Variants in SLC12A8 observed in about 807,000 individuals in gnomAD.
SLC12A8 encodes cation-chloride cotransporter 9.
A neutral mutation model predicts 75.6 loss-of-function variants in SLC12A8; 69 were observed. The ratio of observed to expected loss-of-function variants is 0.91; its 90% confidence interval spans 0.75 to 1.11. The LOEUF is 1.11. Among genes scored for constraint, SLC12A8 ranks in the 50% most tolerant of loss-of-function variants. SLC12A8 has a pLI of 0.00. For synonymous variants in SLC12A8, 365 were observed against 372.8 expected, an observed-to-expected ratio of 0.98 and a Z score of 0.24; for missense variants, 877 against 896.7, an observed-to-expected ratio of 0.98 and a Z score of 0.28.
chr3:125,177,746 G>C lies in SLC12A8; in HGVS notation c.619C>G (p.Pro207Ala). The change falls in exon 5 of 14, where the codon CCA (proline) becomes GCA (alanine). Residue 207 changes from proline to alanine, a missense_variant. Transcript: ENST00000469902. ...FVVGSFTHLD[P>A]EHGFIGYSPE... Reference sequence around the variant, plus strand: ...TACTGGACTCTGAAAGGCTTACCTGGGTCCAGGTGGGTGAAAGAACCCACC... The same window carrying C: ...TACTGGACTCTGAAAGGCTTACCTGCGTCCAGGTGGGTGAAAGAACCCACC... 1.2e-6 allele frequency: 2 copies of C among 1,613,338 alleles called. No individual in the cohort carries two copies. Among genetic ancestry groups the C allele is most frequent in the Non-Finnish European group, 8.5e-7 (1 of 1,179,384 alleles).
At chr3:125,164,930 C>A (rs544546126) in intron 5 of SLC12A8, among the ~76,000 whole-genome samples, 30 of 152,196 alleles carry the variant, frequency 2.0e-4, no homozygotes, top group Non-Finnish European at 2.6e-4. Context: ...GGGTTAAGAA[C>A]CCCAGGGATG....
chr3:125,136,319 C>A (rs1408893984), intron 5 of SLC12A8, among the ~76,000 whole-genome samples: 1 of 152,300 alleles, frequency 6.6e-6, no homozygotes, highest in African/African-American at 2.4e-5. Flanking sequence ...CACCCCCCTG[C>A]CTTCGTTAGG....
intron 5 of SLC12A8, among the ~76,000 whole-genome samples, chr3:125,146,992 G>A (rs561226523): frequency 5.9e-5 from 9 of 152,290 alleles, no homozygotes; most frequent in African/African-American, 1.4e-4. Flanking sequence ...GGAAAGGACC[G>A]TTGTGCTCGG....
At chr3:125,179,713 G>C (rs1934610915) in intron 4 of SLC12A8, among the ~76,000 whole-genome samples, 1 of 99,560 alleles carries the variant, frequency 1.0e-5, no homozygotes. Context: ...CTGAGAGAGA[G>C]AGAGAGAGAG....
intron 8 of SLC12A8, among the ~76,000 whole-genome samples, chr3:125,114,068 C>T (rs531925206): frequency 6.6e-6 from 1 of 152,294 alleles, no homozygotes; most frequent in Admixed American, 6.5e-5. Flanking sequence ...TCCCACATCT[C>T]ATTTCTAGAG....
At chr3:125,144,254 T>A (rs1403325698) in intron 5 of SLC12A8, among the ~76,000 whole-genome samples, 2 of 152,206 alleles carry the variant, frequency 1.3e-5, no homozygotes, top group Non-Finnish European at 2.9e-5. Context: ...TATTAACTCA[T>A]TGAAGCCTCA....
intron 6 of SLC12A8, among the ~76,000 whole-genome samples, chr3:125,127,089 T>C (rs964203995): frequency 6.6e-6 from 1 of 152,248 alleles, no homozygotes; most frequent in Non-Finnish European, 1.5e-5. Flanking sequence ...CCAGGAGAGA[T>C]GGGCTCTGCT....
At chr3:125,116,236 C>T (rs991350201) in intron 8 of SLC12A8, among the ~76,000 whole-genome samples, 6 of 152,202 alleles carry the variant, frequency 3.9e-5, no homozygotes, top group South Asian at 2.1e-4. Flanking sequence ...TCCATCACTG[C>T]TTACTGACTT....
chr3:125,199,760 T>C (rs1935084892), intron 2 of SLC12A8, among the ~76,000 whole-genome samples: 1 of 151,356 alleles, frequency 6.6e-6, no homozygotes, highest in Admixed American at 6.6e-5. Flanking sequence ...AAAAATAAAA[T>C]AAAATACATT....
intron 5 of SLC12A8, among the ~76,000 whole-genome samples, chr3:125,150,912 C>T (rs1362725453): frequency 6.6e-6 from 1 of 152,144 alleles, no homozygotes; most frequent in Non-Finnish European, 1.5e-5. Flanking sequence ...TAAAAAACTA[C>T]CTGGAGCACT....
rs1399155098 is a variant in SLC12A8, at chr3:125,187,377, C to G, written c.250G>C (p.Val84Leu). The stretch of plus-strand genomic sequence containing the variant: ...CCAGACAGCACCGTGACGAGGGCCA[C>G]CAGGATGACGAAGGACACCAGGAAC... ...GMFLVSFVIL[V>L]ALVTVLSGIG... Residue 84 changes from valine to leucine, a missense_variant, in exon 4 of 14, where the codon GTG becomes CTG. Coordinates refer to ENST00000469902, the MANE Select transcript of SLC12A8 (RefSeq NM_024628.6). 1 of 1,614,166 alleles carries G rather than the reference C, an allele frequency of 6.2e-7. No individual in the cohort carries two copies. Among genetic ancestry groups the G allele is most frequent in the Admixed American group, 1.7e-5 (1 of 60,026 alleles).
chr3:125,133,344 TACAC>T (rs374385025), intron 6 of SLC12A8, among the ~76,000 whole-genome samples: 13 of 149,268 alleles, frequency 8.7e-5, no homozygotes, highest in African/African-American at 2.5e-4. Flanking sequence ...TAATCAGGAA[TACAC>T]ACACACACAC....
chr3:125,164,397 A>G (rs1934243234), intron 5 of SLC12A8, among the ~76,000 whole-genome samples: 1 of 152,224 alleles, frequency 6.6e-6, no homozygotes, highest in African/African-American at 2.4e-5. Context: ...TTCAAAGATA[A>G]ATAGAATAAT....
Position 125,083,922 on chromosome 3 carries a change from C to T in SLC12A8, c.2113G>A (p.Val705Met), listed in dbSNP as rs773520894. The T allele has an allele frequency of 6.2e-6, 10 of 1,613,086 alleles. No homozygotes were observed. The highest frequency in any genetic ancestry group is 1.6e-4 in the Middle Eastern group (1 of 6,082). ...TGAGGCATCAGCTGCTCCCGGTTCA[C>T]GAGGGAGGAGTGGTGGTAGCGATCC... is the stretch of plus-strand genomic sequence containing the variant. ...TRDRYHHSSL[V>M]NREQLMPHY Residue 705 changes from valine (V) to methionine (M), a missense_variant, in exon 14 of 14, where the codon GTG (valine) becomes ATG (methionine). Transcript: ENST00000469902.
chr3:125,140,709 C>A (rs1240670549), intron 5 of SLC12A8, among the ~76,000 whole-genome samples: 1 of 148,264 alleles, frequency 6.7e-6, no homozygotes, highest in African/African-American at 2.5e-5. Flanking sequence ...TTTTTTTTTT[C>A]TTTTCTTTCT....
intron 10 of SLC12A8, 126 bp from the exon 11 acceptor site, chr3:125,092,324 T>TCATTTC (rs979540383): frequency 1.7e-6 from 1 of 585,336 alleles, no homozygotes; most frequent in African/African-American, 1.9e-5. Context: ...CTCCCAGGGC[T>TCATTTC]TGCTCTTGCA....
chr3:125,133,581 A>G (rs906198411), intron 6 of SLC12A8, among the ~76,000 whole-genome samples: 1 of 152,046 alleles, frequency 6.6e-6, no homozygotes, highest in Non-Finnish European at 1.5e-5. Flanking sequence ...GCATGCCACC[A>G]CGCCCAGCTA....
rs1579526936 is a variant in SLC12A8, at chr3:125,177,983, C to T, written c.391-9G>A. On this transcript the variant is annotated splice_polypyrimidine_tract_variant and intron_variant, in intron 4 of 13. Transcript: ENST00000469902. Reference sequence around the variant, plus strand: ...ATGGCACCTGCAACACACTGACATGCGATTCCAGGTAGAAGAGTCAGCAGG... The same window carrying T: ...ATGGCACCTGCAACACACTGACATGTGATTCCAGGTAGAAGAGTCAGCAGG... 4 of 1,605,988 alleles carry T rather than the reference C, an allele frequency of 2.5e-6. No homozygotes were observed. The highest frequency in any genetic ancestry group is 3.4e-6 in the Non-Finnish European group (4 of 1,174,788).
At chr3:125,164,559 C>T (rs1273882788) in intron 5 of SLC12A8, among the ~76,000 whole-genome samples, 5 of 152,228 alleles carry the variant, frequency 3.3e-5, no homozygotes, top group East Asian at 1.9e-4. Flanking sequence ...CCAGTCCTTA[C>T]GTCAGGGGCT....
Sources: allele counts gnomAD v4.1 joint callset (sites outside exome capture counted in the v4.1 genomes callset), GRCh38; gene constraint gnomAD v4.1.1; transcripts MANE v1.5; gene names NCBI Gene and HGNC (gene_info 2026-07-23, HGNC 2026-07-21).